Variants in BOP1 observed in about 807,000 individuals in gnomAD.
BOP1 encodes the protein BOP1 ribosomal biogenesis factor.
A neutral mutation model predicts 82.9 loss-of-function variants in BOP1; 54 were observed. The ratio of observed to expected loss-of-function variants is 0.65; its 90% CI spans 0.52 to 0.82. BOP1 has a LOEUF of 0.82. Among genes scored for constraint, BOP1 ranks in the 40% least tolerant of loss-of-function variants. The probability of loss-of-function intolerance (pLI) is 0.00; values close to 1 mark genes in which losing one functional copy is unlikely to be tolerated. For synonymous variants in BOP1, 566 were observed against 451.1 expected (o/e 1.25, Z -3.23); for missense variants, 1,170 against 1,072.0 (o/e 1.09, Z -1.28).
chr8:144,264,187 A>G, intron 7 of BOP1, 38 bp downstream of exon 7: 1 of 1,609,178 alleles, frequency 6.2e-7, no homozygotes, highest in South Asian at 1.1e-5. Flanking sequence ...ACAGGGAAGC[A>G]TGGGGACAGG....
chr8:144,264,188 T>A (rs1057383185), intron 7 of BOP1, 37 bp downstream of exon 7: 2 of 1,608,966 alleles, frequency 1.2e-6, no homozygotes, highest in Non-Finnish European at 1.7e-6. Flanking sequence ...CAGGGAAGCA[T>A]GGGGACAGGG....
rs975506660 is a variant in BOP1 at position 144,268,686 on chromosome 8, C to T, written c.391-3615G>A. Among the ~76,000 whole-genome samples the T allele has an allele frequency of 7.9e-5, 12 of 152,196 alleles. 1 individual carries two copies. Among genetic ancestry groups the T allele is most frequent in the South Asian group, 6.2e-4 (3 of 4,820 alleles). ...TTAGCTCACCCACAGAGCCTCATATCGGGAAGCTGTGGGGTGGGGACAAGG... is the reference window on the plus strand; with the variant it reads ...TTAGCTCACCCACAGAGCCTCATATTGGGAAGCTGTGGGGTGGGGACAAGG... On this transcript the variant is annotated intron_variant, in intron 3 of 15. Transcript: ENST00000569669.
rs777517126 is a variant in BOP1, at chr8:144,273,985, C to T, written c.390+2239G>A. ...AAAAGTCAGCGTCCAGCAGGGGGTC[C>T]CTGAAGCCCCAGTGTCATCCAGGTC... On this transcript the variant is annotated intron_variant, in intron 3 of 15. Transcript: ENST00000569669. 7.8e-3 allele frequency among the ~76,000 whole-genome samples: 1,193 copies of T among 152,310 alleles called. 6 individuals carry two copies. Among genetic ancestry groups the T allele is most frequent in the Non-Finnish European group, 0.011 (719 of 68,008 alleles).
chr8:144,263,689 C>A lies in BOP1; in HGVS notation c.1291+3G>T. ...CTCAAGGCTGCCCCCAGCTCGGACC[C>A]ACCTGAAACCAGCCACTGGCCCCCA... On this transcript the variant is annotated splice_donor_region_variant and intron_variant, in intron 10 of 15. Transcript: ENST00000569669. The A allele has an allele frequency of 6.3e-7, 1 of 1,576,054 alleles. No homozygotes were observed. Among genetic ancestry groups the A allele is most frequent in the East Asian group, 2.3e-5 (1 of 42,570 alleles).
chr8:144,264,999 C>T lies in BOP1; in HGVS notation c.463G>A (p.Asp155Asn). ...AGGGGCTTGTAGATGCGCCTGCCAT[C>T]CAGGTCGTAGCCCACGTGGGGGAAG... ...DDFPHVGYDL[D>N]GRRIYKPLRT... Residue 155 changes from aspartate (D) to asparagine (N), a missense_variant, in exon 4 of 16, where the codon GAT becomes AAT. Transcript: ENST00000569669. The T allele has an allele frequency of 6.2e-7, 1 of 1,612,402 alleles. No individual in the cohort carries two copies. Among genetic ancestry groups the T allele is most frequent in the Non-Finnish European group, 8.5e-7 (1 of 1,179,734 alleles).
intron 2 of BOP1, among the ~76,000 whole-genome samples, chr8:144,282,227 G>C (rs551994866): frequency 4.6e-5 from 7 of 152,208 alleles, no homozygotes; most frequent in African/African-American, 1.7e-4. Flanking sequence ...GGGAGCACCC[G>C]TGTCAGGGGT....
Position 144,263,551 on chromosome 8 carries a change from C to T in BOP1, c.1351G>A (p.Val451Ile). The T allele has an allele frequency of 6.2e-7, 1 of 1,601,480 alleles. No individual in the cohort carries two copies. The highest frequency in any genetic ancestry group is 8.5e-7 in the Non-Finnish European group (1 of 1,179,738). ...EVATARCVRT[V>I]PVGGVVKSVA... ...CTCTTCACCACGCCCCCCACGGGAA[C>T]AGTCCTCACACAGCGGGCAGTGGCC... Residue 451 changes from valine (V) to isoleucine (I), a missense_variant, in exon 11 of 16, where the codon GTT becomes ATT. By Grantham distance (29) the Val-to-Ile change is conservative. Transcript: ENST00000569669.
At chr8:144,281,558 G>A (rs1446790898) in intron 2 of BOP1, 29 of 131,122 alleles carry the variant, frequency 2.2e-4, no homozygotes, top group African/African-American at 9.5e-4. Flanking sequence ...CAGGTCTTCG[G>A]CCTTCCCTCA....
Position 144,262,106 on chromosome 8 carries a change from A to C in BOP1, c.*58T>G, listed in dbSNP as rs1036440018. ...AGAAGGTGGGAGCACCAGGCAGCAC[A>C]GGGTAAAGGCTCTGTTGACTTCAGC... On this transcript the variant is annotated 3_prime_UTR_variant, in exon 16 of 16. Transcript: ENST00000569669. The C allele has an allele frequency of 2.5e-6, 4 of 1,608,384 alleles. No homozygotes were observed. The highest frequency in any genetic ancestry group is 3.4e-6 in the Non-Finnish European group (4 of 1,178,766).
rs1041640267 is a variant in BOP1 at position 144,263,587 on chromosome 8, G to A, written c.1315C>T (p.Leu439Phe). ...CAGCGGGCAGTGGCCACCTCCCAGA[G>A]CCGCAGGGAGCCGTCGTCAGAGCCT... ...VSGSDDGSLR[L>F]WEVATARCVR... Residue 439 changes from leucine to phenylalanine, a missense_variant, in exon 11 of 16, where the codon CTC becomes TTC. Coordinates refer to ENST00000569669, the MANE Select transcript of BOP1 (RefSeq NM_015201.5). 2 of 1,604,868 alleles carry A rather than the reference G, an allele frequency of 1.2e-6. No homozygotes were observed. The highest frequency in any genetic ancestry group is 2.2e-5 in the East Asian group (1 of 44,870).
intron 3 of BOP1, chr8:144,267,137 C>A: frequency 6.6e-7 from 1 of 1,525,212 alleles, no homozygotes; most frequent in Non-Finnish European, 8.7e-7. Flanking sequence ...AACACCCAGC[C>A]CAAACAGATC....
chr8:144,262,358 C>G, intron 15 of BOP1, 38 bp downstream of exon 15: 2 of 1,612,726 alleles, frequency 1.2e-6, no homozygotes, highest in Non-Finnish European at 1.7e-6. Context: ...CCAGACACCA[C>G]TGCCCTGGGG....
chr8:144,262,508 G>T lies in BOP1; in HGVS notation c.1980-5C>A, dbSNP rs1247619671. On this transcript the variant is annotated splice_region_variant and splice_polypyrimidine_tract_variant and intron_variant, in intron 14 of 15. Transcript: ENST00000569669. ...CGCAGAGCCTTCTTGTGGTGTCTGG[G>T]GGGAGGGAACCAGGTTGAAGGCAGG... 6.8e-6 allele frequency: 11 copies of T among 1,612,840 alleles called. No homozygotes were observed. Among genetic ancestry groups the T allele is most frequent in the African/African-American group, 1.3e-5 (1 of 74,862 alleles).
chr8:144,288,245 G>A (rs1365483596), intron 2 of BOP1, among the ~76,000 whole-genome samples: 1 of 151,038 alleles, frequency 6.6e-6, no homozygotes, highest in Non-Finnish European at 1.5e-5. Flanking sequence ...ACTCCAGCCT[G>A]GGCAACAGAG....
At chr8:144,266,730 C>A in intron 3 of BOP1, 1 of 1,125,726 alleles carries the variant, frequency 8.9e-7, no homozygotes, top group Non-Finnish European at 1.1e-6. Flanking sequence ...ACGAGAAACC[C>A]TGTCGCGTGC....
Position 144,276,303 on chromosome 8 carries a change from G to C in BOP1, c.311C>G (p.Ala104Gly). The C allele has an allele frequency of 6.2e-7, 1 of 1,612,984 alleles. No individual in the cohort carries two copies. Among genetic ancestry groups the C allele is most frequent in the Non-Finnish European group, 8.5e-7 (1 of 1,179,798 alleles). ...CTCTGTCCTCGGGCAAGGAGTGCTG[G>C]CCTGCAGAGAGAGAGAGAAAATGGT... ...IKKTTEEQVQ[A>G]STPCPRTEMA... is the part of the protein sequence containing the mutation. The change falls in exon 3 of 16, where the codon GCC (alanine) becomes GGC (glycine). Residue 104 changes from alanine (A) to glycine (G), a missense_variant and splice_region_variant. Coordinates refer to ENST00000569669, the MANE Select transcript of BOP1 (RefSeq NM_015201.5).
Position 144,263,870 on chromosome 8 carries a change from C to T in BOP1, c.1182G>A (p.Arg394=), listed in dbSNP as rs1307632238. The part of the protein sequence containing the change: ...DPEDLIPKLP[R]PRDLQPFPTC... Reference sequence around the variant, plus strand: ...TGGGGAAGGGCTGCAGGTCCCTCGGCCGAGGCAGCTTGGGGATGAGGTCCT... The same window carrying T: ...TGGGGAAGGGCTGCAGGTCCCTCGGTCGAGGCAGCTTGGGGATGAGGTCCT... The change falls in exon 9 of 16, where the codon CGG becomes CGA. Residue 394 remains arginine, a synonymous_variant. Coordinates refer to ENST00000569669, the MANE Select transcript of BOP1 (RefSeq NM_015201.5). 7 of 1,611,452 alleles carry T rather than the reference C, an allele frequency of 4.3e-6. No homozygotes were observed. Among genetic ancestry groups the T allele is most frequent in the Non-Finnish European group, 5.9e-6 (7 of 1,179,608 alleles).
chr8:144,283,977 C>T lies in BOP1; in HGVS notation c.309+5118G>A, dbSNP rs115256422. Among the ~76,000 whole-genome samples the T allele has an allele frequency of 9.7e-3, 1,480 of 152,224 alleles. 25 individuals carry two copies. The highest frequency in any genetic ancestry group is 0.032 in the African/African-American group (1,349 of 41,532). On this transcript the variant is annotated intron_variant, in intron 2 of 15. Coordinates refer to ENST00000569669, the MANE Select transcript of BOP1 (RefSeq NM_015201.5). The stretch of plus-strand genomic sequence containing the variant: ...CCTAAAAATACAGACATTAGCCGGG[C>T]GTGATGACGGGCGCCTGTAATCCCG...
intron 3 of BOP1, among the ~76,000 whole-genome samples, chr8:144,275,143 C>G (rs1230972702): frequency 3.9e-5 from 6 of 152,080 alleles, no homozygotes; most frequent in African/African-American, 7.2e-5. Context: ...CCAGGCCCCC[C>G]GGGGACAGTT....
Sources: allele counts gnomAD v4.1 joint callset (sites outside exome capture counted in the v4.1 genomes callset), GRCh38; gene constraint gnomAD v4.1.1; transcripts MANE v1.5; gene names NCBI Gene and HGNC (gene_info 2026-07-23, HGNC 2026-07-21).